Variants in WDR37 observed in about 807,000 individuals in gnomAD.
WDR37 encodes the protein WD repeat-containing protein 37.
In WDR37, 19 loss-of-function variants were observed where a neutral mutation model predicts 62.9. The observed-to-expected ratio is 0.30, with a 90% CI of 0.21 to 0.44. The LOEUF is 0.44. WDR37 is among the 20% of genes least tolerant of loss of function. The pLI, the probability that WDR37 is intolerant of heterozygous loss-of-function variation, is 1.00. For missense variants in WDR37, 474 were observed against 657.6 expected (o/e 0.72, Z 3.05); for synonymous variants, 250 against 260.9 (o/e 0.96, Z 0.40).
In WDR37 at chr10:1,074,483, C is replaced by G. The variant is rs143022429; in HGVS notation, c.138+2190C>G. 2.2e-4 allele frequency: 284 copies of G among 1,304,440 alleles called. No individual in the cohort carries two copies. In the African/African-American group the frequency reaches 4.0e-3, roughly 18 times the overall value. 80.8% of individuals were successfully genotyped at this position (1,304,440 alleles called of 1,614,324 possible). The stretch of plus-strand genomic sequence containing the variant: ...CTCATTTGTTCAATGAGCAGTGATT[C>G]GGAGTGGGACCGGTCAGCATGTTCT... On this transcript the variant is annotated intron_variant, in intron 2 of 13. Coordinates refer to ENST00000263150, the MANE Select transcript of WDR37 (RefSeq NM_014023.4).
At chr10:1,109,816 TAGTA>T (rs1292258477) in intron 11 of WDR37, among the ~76,000 whole-genome samples, 2 of 152,242 alleles carry the variant, frequency 1.3e-5, no homozygotes, top group Admixed American at 1.3e-4. Context: ...ATGAAGAATG[TAGTA>T]AGTGTTATGA....
chr10:1,110,014 G>A (rs1025208222), intron 11 of WDR37, among the ~76,000 whole-genome samples: 2 of 152,198 alleles, frequency 1.3e-5, no homozygotes, highest in African/African-American at 4.8e-5. Flanking sequence ...TGAGGTGAAC[G>A]TGGACCAGAC....
intron 13 of WDR37, among the ~76,000 whole-genome samples, chr10:1,126,389 G>C (rs1484540242): frequency 3.4e-5 from 5 of 146,736 alleles, no homozygotes; most frequent in Non-Finnish European, 4.5e-5. Flanking sequence ...CTGGGCGACA[G>C]AGCGAGACTG....
At chr10:1,069,960 C>A (rs1041981735) in intron 1 of WDR37, among the ~76,000 whole-genome samples, 14 of 152,204 alleles carry the variant, frequency 9.2e-5, no homozygotes, top group African/African-American at 3.4e-4. Context: ...AATCCTAGCA[C>A]TTTGGGAGGC....
chr10:1,126,987 G>C (rs1478719134), intron 13 of WDR37, among the ~76,000 whole-genome samples: 1 of 152,192 alleles, frequency 6.6e-6, no homozygotes, highest in Non-Finnish European at 1.5e-5. Flanking sequence ...GCTTGTCCTG[G>C]GGAAGCTTTT....
intron 13 of WDR37, among the ~76,000 whole-genome samples, chr10:1,126,249 C>CA (rs1222937358): frequency 2.0e-5 from 3 of 151,856 alleles, no homozygotes; most frequent in South Asian, 2.1e-4. Context: ...AATAAAAATA[C>CA]AAAAAAATCA....
chr10:1,096,567 T>C, intron 9 of WDR37: 1 of 370,952 alleles, frequency 2.7e-6, no homozygotes, highest in South Asian at 4.2e-5. Context: ...AGAACCTGAA[T>C]TGGCTTGATC....
At chr10:1,101,007 G>A (rs1376609554) in intron 9 of WDR37, among the ~76,000 whole-genome samples, 1 of 152,194 alleles carries the variant, frequency 6.6e-6, no homozygotes, top group African/African-American at 2.4e-5. Context: ...CTGTCACCCA[G>A]TGCTTTAGAC....
intron 5 of WDR37, among the ~76,000 whole-genome samples, chr10:1,082,028 A>C (rs1174454924): frequency 6.6e-6 from 1 of 152,250 alleles, no homozygotes; most frequent in Non-Finnish European, 1.5e-5. Flanking sequence ...AATTCATCTG[A>C]ATTTATAAGA....
Position 1,103,357 on chromosome 10 carries a change from T to C in WDR37, c.727-245T>C, listed in dbSNP as rs1309260472. Among the ~76,000 whole-genome samples, 1 of 152,228 alleles carries C rather than the reference T, an allele frequency of 6.6e-6. No homozygotes were observed. The highest frequency in any genetic ancestry group is 1.5e-5 in the Non-Finnish European group (1 of 68,050). On this transcript the variant is annotated intron_variant, in intron 9 of 13. Transcript: ENST00000263150. The surrounding 1 kb of genome is among the most constrained non-coding windows in gnomAD (Gnocchi z 6.3). ...ATAAATGGTAGTTCGGTTGACAATGTTGTGGATTCCACTTTTTTTTCTGTA... is the reference window on the plus strand; with the variant it reads ...ATAAATGGTAGTTCGGTTGACAATGCTGTGGATTCCACTTTTTTTTCTGTA...
rs148721288 is a variant in WDR37, at chr10:1,096,719, A to G, written c.726+473A>G. On this transcript the variant is annotated intron_variant, in intron 9 of 13. Transcript: ENST00000263150. Reference sequence around the variant, plus strand: ...GCGCAGAGCGGGGGCTGCTGGAGAAATGCCGACGGTGTGGACCTGGCTTCG... The same window carrying G: ...GCGCAGAGCGGGGGCTGCTGGAGAAGTGCCGACGGTGTGGACCTGGCTTCG... The G allele has an allele frequency of 3.1e-3, 493 of 157,230 alleles. 1 individual carries two copies. The highest frequency in any genetic ancestry group is 5.0e-3 in the Non-Finnish European group (357 of 71,200). The allele number at this position is 157,230 out of a possible 1,614,324, so 9.7% of individuals were successfully genotyped here. A position where few individuals can be genotyped will look rare whatever the true frequency, so the allele number is the denominator to read the frequency against.
chr10:1,113,944 A>G (rs1223703589), intron 11 of WDR37, among the ~76,000 whole-genome samples: 1 of 110,360 alleles, frequency 9.1e-6, no homozygotes, highest in African/African-American at 3.1e-5. Context: ...ATTGTGGGTA[A>G]AATGCCTTTT....
chr10:1,126,602 G>C (rs572871424), intron 13 of WDR37, among the ~76,000 whole-genome samples: 1 of 152,202 alleles, frequency 6.6e-6, no homozygotes, highest in Non-Finnish European at 1.5e-5. Flanking sequence ...CCTGCCGGCA[G>C]CTTGGGTGGC....
chr10:1,086,059 T>C (rs1834190798), intron 6 of WDR37, among the ~76,000 whole-genome samples: 1 of 152,254 alleles, frequency 6.6e-6, no homozygotes. Flanking sequence ...ATCGAGTCTC[T>C]GGTTGTCCGT....
intron 3 of WDR37, 74 bp from the exon 4 acceptor site, chr10:1,079,937 C>G: frequency 1.6e-6 from 2 of 1,258,920 alleles, no homozygotes; most frequent in East Asian, 2.5e-5. Flanking sequence ...TTTCTGTGTG[C>G]GAGTTTTGGA....
intron 6 of WDR37, among the ~76,000 whole-genome samples, chr10:1,085,330 T>TC (rs57295313): frequency 0.094 from 14,250 of 152,092 alleles, 1,357 homozygotes; most frequent in African/African-American, 0.25. Context: ...TTGACTTTTT[T>TC]CCCACAAGTG....
At chr10:1,086,024 A>G (rs1834189399) in intron 6 of WDR37, among the ~76,000 whole-genome samples, 1 of 152,220 alleles carries the variant, frequency 6.6e-6, no homozygotes, top group African/African-American at 2.4e-5. Flanking sequence ...AGCATGATGC[A>G]GCCAGCCTGA....
At chr10:1,060,028 G>A (rs994861111) in intron 1 of WDR37, among the ~76,000 whole-genome samples, 1 of 152,052 alleles carries the variant, frequency 6.6e-6, no homozygotes, top group African/African-American at 2.4e-5. Flanking sequence ...TAGTAGAGAC[G>A]GGACTTCACC....
At chr10:1,123,047 T>C (rs1835634444) in intron 11 of WDR37, among the ~76,000 whole-genome samples, 1 of 152,252 alleles carries the variant, frequency 6.6e-6, no homozygotes, top group Non-Finnish European at 1.5e-5. Context: ...CTTGTTTTTA[T>C]GGTACTTTTC....
Sources: gnomAD v4.1 joint callset for allele counts (sites outside exome capture counted in the v4.1 genomes callset) on GRCh38, gnomAD v4.1.1 for gene constraint, Gnocchi (gnomAD v3.1) non-coding constraint, MANE v1.5 for transcripts, NCBI Gene and HGNC (gene_info 2026-07-23, HGNC 2026-07-21) for gene names.